Variants in CSMD1 observed in about 807,000 individuals in gnomAD.
The protein encoded by CSMD1 is CUB and Sushi multiple domains 1.
A neutral mutation model predicts 417.5 loss-of-function variants in CSMD1; 213 were observed. That is an observed-to-expected ratio of 0.51 (90% CI 0.46 to 0.57). CSMD1 has a LOEUF of 0.57. Among genes scored for constraint, CSMD1 ranks in the 20% least tolerant of loss-of-function variants. The pLI, the probability that CSMD1 is intolerant of heterozygous loss-of-function variation, is 0.00. For synonymous variants in CSMD1, 2,862 were observed against 1,736.8 expected, an observed-to-expected ratio of 1.65 and a Z score of -16.11; for missense variants, 6,923 against 4,529.7, an observed-to-expected ratio of 1.53 and a Z score of -15.17.
intron 1 of CSMD1, among the ~76,000 whole-genome samples, chr8:4,853,225 GC>G (rs1292074999): frequency 6.6e-6 from 1 of 152,196 alleles, no homozygotes; most frequent in Non-Finnish European, 1.5e-5. Flanking sequence ...GCCCTGGAAT[GC>G]ATTTCAGAGA....
intron 10 of CSMD1, among the ~76,000 whole-genome samples, chr8:3,562,981 A>G (rs2128221): frequency 0.37 from 56,701 of 151,644 alleles, 11,128 homozygotes; most frequent in African/African-American, 0.5. Context: ...TATTAGCCCA[A>G]AACTCTTCAC....
chr8:3,845,389 T>C (rs191737852), intron 5 of CSMD1, among the ~76,000 whole-genome samples: 104 of 152,280 alleles, frequency 6.8e-4, no homozygotes, highest in African/African-American at 2.4e-3. Context: ...CTGCCCTGAA[T>C]ACTGAAGGCA....
chr8:3,270,527 T>G (rs977886500), intron 26 of CSMD1, among the ~76,000 whole-genome samples: 3 of 152,184 alleles, frequency 2.0e-5, no homozygotes, highest in Non-Finnish European at 2.9e-5. Context: ...TTCCAACTGG[T>G]ATCAAAATTT....
intron 3 of CSMD1, among the ~76,000 whole-genome samples, chr8:4,196,399 A>G (rs1297984189): frequency 6.6e-6 from 1 of 152,152 alleles, no homozygotes; most frequent in Non-Finnish European, 1.5e-5. Flanking sequence ...AGGCCTCACT[A>G]GACAAAAATC....
At chr8:4,179,052 T>C (rs189182627) in intron 3 of CSMD1, among the ~76,000 whole-genome samples, 1 of 152,164 alleles carries the variant, frequency 6.6e-6, no homozygotes, top group Non-Finnish European at 1.5e-5. Flanking sequence ...ACCAATGACT[T>C]TCTTCACATA....
chr8:3,894,746 G>C (rs1013921009), intron 5 of CSMD1, among the ~76,000 whole-genome samples: 1 of 152,126 alleles, frequency 6.6e-6, no homozygotes, highest in Non-Finnish European at 1.5e-5. Context: ...AATTACTAAG[G>C]AAGTGTCTCT....
chr8:3,428,509 G>C (rs537586510), intron 12 of CSMD1, among the ~76,000 whole-genome samples: 13 of 151,968 alleles, frequency 8.6e-5, no homozygotes, highest in African/African-American at 3.1e-4. Flanking sequence ...AAAATGATGG[G>C]GAAAAAAAAG....
At chr8:4,775,400 C>A (rs1291044129) in intron 1 of CSMD1, among the ~76,000 whole-genome samples, 1 of 152,040 alleles carries the variant, frequency 6.6e-6, no homozygotes, top group Non-Finnish European at 1.5e-5. Context: ...AGTTTATAAA[C>A]TTCCATGAAG....
intron 4 of CSMD1, among the ~76,000 whole-genome samples, chr8:3,998,483 G>A (rs999946192): frequency 6.6e-6 from 1 of 152,180 alleles, no homozygotes; most frequent in African/African-American, 2.4e-5. Flanking sequence ...TTAAAAACAT[G>A]TGGGCGTTTA....
chr8:4,819,365 G>C (rs1799388929), intron 1 of CSMD1, among the ~76,000 whole-genome samples: 1 of 152,078 alleles, frequency 6.6e-6, no homozygotes, highest in African/African-American at 2.4e-5. Context: ...TACTTGACAT[G>C]GAAATAGGCC....
At chr8:4,962,684 G>A (rs1464802597) in intron 1 of CSMD1, among the ~76,000 whole-genome samples, 1 of 152,284 alleles carries the variant, frequency 6.6e-6, no homozygotes, top group South Asian at 2.1e-4. Flanking sequence ...CTTGCTCCAT[G>A]TGGGTGGAAG....
At position 3,432,904 on chromosome 8, in the gene CSMD1, C is replaced by G. The variant is rs190871265; in HGVS notation, c.1562-23299G>C. On this transcript the variant is annotated intron_variant, in intron 12 of 69. Transcript: ENST00000635120. ...AGTAATGCCTAAACACACAGACACA[C>G]ACAGTTACATTTCTTCTAATCATTG... Among the ~76,000 whole-genome samples, 1,012 of 152,268 alleles carry G rather than the reference C, an allele frequency of 6.6e-3. 4 individuals carry two copies. Among genetic ancestry groups the G allele is most frequent in the Non-Finnish European group, 9.6e-3 (653 of 68,024 alleles).
At chr8:4,043,355 C>T (rs906691605) in intron 3 of CSMD1, among the ~76,000 whole-genome samples, 1 of 152,140 alleles carries the variant, frequency 6.6e-6, no homozygotes, top group East Asian at 1.9e-4. Flanking sequence ...ACAAAGCAAA[C>T]TGCAAGGTGG....
intron 25 of CSMD1, among the ~76,000 whole-genome samples, chr8:3,304,109 G>T (rs1043404162): frequency 1.3e-5 from 2 of 151,992 alleles, no homozygotes; most frequent in Non-Finnish European, 2.9e-5. Flanking sequence ...TCCAAGATCC[G>T]GCTGTTTATT....
At chr8:3,811,618 C>G (rs1030277485) in intron 5 of CSMD1, among the ~76,000 whole-genome samples, 2 of 152,100 alleles carry the variant, frequency 1.3e-5, no homozygotes, top group Non-Finnish European at 2.9e-5. Flanking sequence ...CCTTCAGAAC[C>G]CAGGACCAGG....
intron 1 of CSMD1, among the ~76,000 whole-genome samples, chr8:4,703,896 A>G (rs1355786123): frequency 6.6e-6 from 1 of 152,158 alleles, no homozygotes; most frequent in Non-Finnish European, 1.5e-5. Flanking sequence ...TTTTGGGATG[A>G]AACTGTTCCA....
At chr8:4,633,086 G>A (rs1802617364) in intron 2 of CSMD1, among the ~76,000 whole-genome samples, 1 of 152,174 alleles carries the variant, frequency 6.6e-6, no homozygotes, top group Non-Finnish European at 1.5e-5. Context: ...AGATGTGTCA[G>A]TGTTCCCGAG....
At chr8:4,220,369 G>A (rs917881551) in intron 3 of CSMD1, among the ~76,000 whole-genome samples, 9 of 152,214 alleles carry the variant, frequency 5.9e-5, no homozygotes, top group Non-Finnish European at 8.8e-5. Flanking sequence ...ACCACACCAT[G>A]AGGAGGACCC....
chr8:4,244,904 C>T (rs570062735), intron 3 of CSMD1, among the ~76,000 whole-genome samples: 1 of 152,144 alleles, frequency 6.6e-6, no homozygotes, highest in African/African-American at 2.4e-5. Context: ...ATGGAGATAA[C>T]AACATTTAAA....
Sources: allele counts gnomAD v4.1 joint callset (sites outside exome capture counted in the v4.1 genomes callset), GRCh38; gene constraint gnomAD v4.1.1; transcripts MANE v1.5; gene names NCBI Gene and HGNC (gene_info 2026-07-23, HGNC 2026-07-21).